Variants in PRRC1 observed in about 807,000 individuals in gnomAD.
PRRC1 encodes proline rich coiled-coil 1.
PRRC1 carries 39 observed loss-of-function variants against 40.7 expected under a neutral mutation model. The observed-to-expected ratio is 0.96, with a 90% CI of 0.74 to 1.25. The LOEUF (loss-of-function observed/expected upper bound fraction) is 1.25. Ranked by LOEUF, PRRC1 falls within the 50% of genes most tolerant of loss-of-function variation. The pLI is 0.00. For missense variants in PRRC1, 573 were observed against 548.3 expected (o/e 1.05, Z -0.45); for synonymous variants, 175 against 193.3 (o/e 0.91, Z 0.79).
At chr5:127,523,355 A>T (rs1413141892) in intron 1 of PRRC1, 105 bp from the exon 2 acceptor site, 1 of 527,380 alleles carries the variant, frequency 1.9e-6, no homozygotes, top group African/African-American at 1.9e-5. Context: ...GTAAAGGTGG[A>T]CATCTATCTC....
At position 127,552,509 on chromosome 5, in the gene PRRC1, C is replaced by T. The variant is rs1768421018; in HGVS notation, c.*593C>T. 8 of 986,146 alleles carry T rather than the reference C, an allele frequency of 8.1e-6. No homozygotes were observed. The highest frequency in any genetic ancestry group is 4.7e-5 in the South Asian group (1 of 21,340). 61.1% of individuals were successfully genotyped at this position (986,146 alleles called of 1,614,324 possible). A position where few individuals can be genotyped will look rare whatever the true frequency, so the allele number is the denominator to read the frequency against. On this transcript the variant is annotated 3_prime_UTR_variant, in exon 9 of 9. Coordinates refer to ENST00000296666, the MANE Select transcript of PRRC1 (RefSeq NM_130809.5). ...TGATTATTTTCCTTTTTGGCCATCACGTACACATGTAATCTGGAAAATCAT... is the reference window on the plus strand; with the variant it reads ...TGATTATTTTCCTTTTTGGCCATCATGTACACATGTAATCTGGAAAATCAT...
At chr5:127,550,138 A>G (rs1481487077) in intron 8 of PRRC1, 1 of 152,020 alleles carries the variant, frequency 6.6e-6, no homozygotes, top group African/African-American at 2.4e-5. Flanking sequence ...TAACACAGCA[A>G]ACTGTTAATA....
intron 3 of PRRC1, 94 bp downstream of exon 3, chr5:127,525,014 T>A (rs1767581527): frequency 8.1e-7 from 1 of 1,238,368 alleles, no homozygotes; most frequent in East Asian, 2.6e-5. Flanking sequence ...ATTTATGTAC[T>A]CTACAATTCA....
chr5:127,526,634 T>G lies in PRRC1; in HGVS notation c.510T>G (p.Pro170=). The G allele has an allele frequency of 1.2e-6, 2 of 1,611,070 alleles. No homozygotes were observed. The highest frequency in any genetic ancestry group is 8.5e-7 in the Non-Finnish European group (1 of 1,178,514). ...ATTGATTAGGTCTTTTGCCAACTCC[T>G]ATTACTCAGCAAGCCAGTTTGACAT... ...APSGTGLLPT[P]ITQQASLTSL... The change falls in exon 4 of 9, where the codon CCT becomes CCG. Residue 170 remains proline (P), a synonymous_variant. Transcript: ENST00000296666.
intron 7 of PRRC1, among the ~76,000 whole-genome samples, chr5:127,543,421 C>T (rs991498541): frequency 6.6e-5 from 10 of 151,972 alleles, no homozygotes; most frequent in African/African-American, 2.4e-4. Flanking sequence ...TGTTGGCCTG[C>T]CTTGCTAGAT....
At position 127,524,661 on chromosome 5, in the gene PRRC1, T is replaced by A. The variant is rs751426102; in HGVS notation, c.234T>A (p.Pro78=). 1.2e-6 allele frequency: 2 copies of A among 1,614,190 alleles called. No individual in the cohort carries two copies. The highest frequency in any genetic ancestry group is 1.7e-6 in the Non-Finnish European group (2 of 1,180,032). The change falls in exon 3 of 9, where the codon CCT becomes CCA. Residue 78 remains proline (P), a synonymous_variant. Transcript: ENST00000296666. Reference sequence around the variant, plus strand: ...CACCATTACCTTTTGTGCCTCCTCCTGCAGTTCCTTCTGTCCCACCACTTG... The same window carrying A: ...CACCATTACCTTTTGTGCCTCCTCCAGCAGTTCCTTCTGTCCCACCACTTG... The part of the protein sequence containing the change: ...PSAPLPFVPP[P]AVPSVPPLVT...
intron 1 of PRRC1, among the ~76,000 whole-genome samples, chr5:127,520,624 C>T (rs1767434209): frequency 1.3e-5 from 2 of 152,102 alleles, no homozygotes; most frequent in African/African-American, 4.8e-5. Flanking sequence ...TGATAGAAAA[C>T]AGAGCAGTGT....
At position 127,553,006 on chromosome 5, in the gene PRRC1, A is replaced by G. The variant is rs1768433002; in HGVS notation, c.*1090A>G. 1.3e-6 allele frequency: 1 copy of G among 751,168 alleles called. No individual in the cohort carries two copies. The highest frequency in any genetic ancestry group is 6.2e-5 in the South Asian group (1 of 16,194). The allele number at this position is 751,168 out of a possible 1,614,324, so 46.5% of individuals were successfully genotyped here. ...TTCCCCTCAAATAATATATTATATCATTTTTGGACTTATATAAATGATAAT... is the reference window on the plus strand; with the variant it reads ...TTCCCCTCAAATAATATATTATATCGTTTTTGGACTTATATAAATGATAAT... On this transcript the variant is annotated 3_prime_UTR_variant, in exon 9 of 9. Transcript: ENST00000296666.
chr5:127,544,704 C>CTG (rs1380428277), intron 7 of PRRC1, among the ~76,000 whole-genome samples: 2 of 152,214 alleles, frequency 1.3e-5, no homozygotes, highest in African/African-American at 4.8e-5. Flanking sequence ...ATATAATCTC[C>CTG]TGGTGCGCTG....
chr5:127,552,021 T>A lies in PRRC1; in HGVS notation c.*105T>A. 6.7e-7 allele frequency: 1 copy of A among 1,495,390 alleles called. No individual in the cohort carries two copies. The highest frequency in any genetic ancestry group is 8.9e-7 in the Non-Finnish European group (1 of 1,119,736). 92.6% of individuals were successfully genotyped at this position (1,495,390 alleles called of 1,614,324 possible). A position where few individuals can be genotyped will look rare whatever the true frequency, so the allele number is the denominator to read the frequency against. ...GAATAGTCTAAATGAATCCAGTAGT[T>A]TTTATCATTTTCCTGTAGCCTGCAA... On this transcript the variant is annotated 3_prime_UTR_variant, in exon 9 of 9. Transcript: ENST00000296666.
chr5:127,547,175 G>A (rs1768250175), intron 7 of PRRC1, among the ~76,000 whole-genome samples: 1 of 151,972 alleles, frequency 6.6e-6, no homozygotes, highest in Non-Finnish European at 1.5e-5. Flanking sequence ...TAAAATTTGG[G>A]TGGTACTACA....
At chr5:127,527,950 G>A (rs1767668247) in intron 4 of PRRC1, among the ~76,000 whole-genome samples, 1 of 152,080 alleles carries the variant, frequency 6.6e-6, no homozygotes, top group South Asian at 2.1e-4. Context: ...CTTGCCAGCA[G>A]TAGTTATTAA....
At chr5:127,529,052 T>G (rs1288717635) in intron 4 of PRRC1, among the ~76,000 whole-genome samples, 3 of 152,204 alleles carry the variant, frequency 2.0e-5, no homozygotes, top group Non-Finnish European at 4.4e-5. Flanking sequence ...AAGTCTGCAT[T>G]TATAAATGTA....
intron 1 of PRRC1, among the ~76,000 whole-genome samples, chr5:127,522,106 G>T (rs796982787): frequency 4.6e-5 from 7 of 152,216 alleles, no homozygotes; most frequent in African/African-American, 1.7e-4. Flanking sequence ...TCAAGCAGTT[G>T]ACCTTCGCTA....
intron 4 of PRRC1, 117 bp from the exon 5 acceptor site, chr5:127,530,177 C>G (rs942331128): frequency 1.4e-6 from 1 of 708,698 alleles, no homozygotes; most frequent in Non-Finnish European, 2.3e-6. Context: ...ATATATCTTA[C>G]AAAAGTACTG....
At chr5:127,549,647 A>G (rs1263494281) in intron 8 of PRRC1, 2 of 152,230 alleles carry the variant, frequency 1.3e-5, no homozygotes, top group African/African-American at 4.8e-5. Context: ...TGTCACTGCC[A>G]CTGTTAACAT....
chr5:127,542,503 G>C (rs1425985687), intron 7 of PRRC1, among the ~76,000 whole-genome samples: 1 of 151,816 alleles, frequency 6.6e-6, no homozygotes, highest in African/African-American at 2.4e-5. Context: ...TATTGTGTGG[G>C]AGTCTAAGTC....
intron 5 of PRRC1, among the ~76,000 whole-genome samples, chr5:127,532,705 A>T (rs1028929636): frequency 5.3e-5 from 8 of 152,354 alleles, no homozygotes; most frequent in Middle Eastern, 3.4e-3. Flanking sequence ...AAAGGGATCC[A>T]TTATTTTTAA....
intron 6 of PRRC1, among the ~76,000 whole-genome samples, chr5:127,537,708 T>C (rs1295292756): frequency 6.6e-6 from 1 of 152,004 alleles, no homozygotes; most frequent in East Asian, 1.9e-4. Context: ...GATGAATCTC[T>C]GTACATCTTA....
Sources: gnomAD v4.1 joint callset for allele counts (sites outside exome capture counted in the v4.1 genomes callset) on GRCh38, gnomAD v4.1.1 for gene constraint, MANE v1.5 for transcripts, NCBI Gene and HGNC (gene_info 2026-07-23, HGNC 2026-07-21) for gene names.